Variants in MAN2A1 observed in about 807,000 individuals in gnomAD.
MAN2A1 encodes the protein alpha-mannosidase 2.
MAN2A1 carries 76 observed loss-of-function variants against 142.6 expected under a neutral mutation model. The observed-to-expected ratio is 0.53, with a 90% CI of 0.44 to 0.65. The LOEUF (loss-of-function observed/expected upper bound fraction) is 0.65, where lower values mean the gene tolerates loss of function less well. MAN2A1 is among the 30% of genes least tolerant of loss of function. The probability of loss-of-function intolerance (pLI) is 0.00; values close to 1 mark genes in which losing one functional copy is unlikely to be tolerated. For missense variants in MAN2A1, 1,311 were observed against 1,365.1 expected (o/e 0.96, Z 0.62); for synonymous variants, 559 against 473.2 (o/e 1.18, Z -2.35).
Position 109,713,668 on chromosome 5 carries a change from G to C in MAN2A1, c.284G>C (p.Ser95Thr). ...DGPKSSQSNF[S>T]QGAGSHLLPS... ...CCGAAAAGTTCACAAAGCAATTTCA[G>C]CCAAGGTGCTGGCTCACATCTTCTG... Residue 95 changes from serine to threonine, a missense_variant, in exon 2 of 22, where the codon AGC becomes ACC. By Grantham distance (58) the Ser-to-Thr change is moderately conservative (BLOSUM62 1). Transcript: ENST00000261483. 6.2e-7 allele frequency: 1 copy of C among 1,614,204 alleles called. No homozygotes were observed. Among genetic ancestry groups the C allele is most frequent in the Non-Finnish European group, 8.5e-7 (1 of 1,180,028 alleles).
At position 109,714,218 on chromosome 5, in the gene MAN2A1, G is replaced by A. The variant is rs533757057; in HGVS notation, c.390+444G>A. On this transcript the variant is annotated intron_variant, in intron 2 of 21. Transcript: ENST00000261483. ...TTAATATCCTTTTGCAAGAGGGAAG[G>A]GAAATATTCTAGAGCTGTACTTTCC... 2.8e-4 allele frequency among the ~76,000 whole-genome samples: 43 copies of A among 151,296 alleles called. 1 individual carries two copies. The highest frequency in any genetic ancestry group is 5.9e-5 in the Non-Finnish European group (4 of 67,888).
intron 5 of MAN2A1, among the ~76,000 whole-genome samples, chr5:109,761,567 A>G (rs746064555): frequency 3.3e-5 from 5 of 151,966 alleles, no homozygotes; most frequent in African/African-American, 7.2e-5. Context: ...TTTTGGTACT[A>G]TTGAATTTAA....
At chr5:109,815,461 C>T (rs1301239718) in intron 12 of MAN2A1, among the ~76,000 whole-genome samples, 3 of 152,126 alleles carry the variant, frequency 2.0e-5, no homozygotes. Context: ...TATGGAATCT[C>T]AGTGAACATA....
intron 20 of MAN2A1, among the ~76,000 whole-genome samples, chr5:109,858,252 C>T (rs1341575486): frequency 1.3e-5 from 2 of 152,150 alleles, no homozygotes; most frequent in African/African-American, 2.4e-5. Flanking sequence ...ACTCTTAGCA[C>T]ATATTTATAA....
intron 4 of MAN2A1, among the ~76,000 whole-genome samples, chr5:109,742,965 A>G (rs1752309574): frequency 6.6e-6 from 1 of 152,140 alleles, no homozygotes; most frequent in African/African-American, 2.4e-5. Flanking sequence ...GCATCTATTT[A>G]TGTCATGGAG....
chr5:109,795,065 G>A (rs115485054), intron 12 of MAN2A1, among the ~76,000 whole-genome samples: 298 of 152,214 alleles, frequency 2.0e-3, no homozygotes, highest in Middle Eastern at 6.8e-3. Context: ...AAGATGCTAC[G>A]TTAGTTAATT....
intron 8 of MAN2A1, among the ~76,000 whole-genome samples, chr5:109,777,016 AT>A (rs1753311738): frequency 1.3e-5 from 2 of 151,984 alleles, no homozygotes; most frequent in South Asian, 4.1e-4. Flanking sequence ...GGTATTTGGG[AT>A]TGTTCCCAGT....
intron 12 of MAN2A1, among the ~76,000 whole-genome samples, chr5:109,810,115 A>G (rs1043207415): frequency 6.6e-6 from 1 of 151,760 alleles, no homozygotes; most frequent in African/African-American, 2.4e-5. Flanking sequence ...TACTTGATTC[A>G]TGTTTTTCTC....
intron 20 of MAN2A1, among the ~76,000 whole-genome samples, chr5:109,857,466 C>G (rs527915943): frequency 1.3e-5 from 2 of 152,112 alleles, no homozygotes; most frequent in African/African-American, 2.4e-5. Context: ...AGGACATCAG[C>G]GACCTGAAGA....
chr5:109,820,480 A>G (rs1021599988), intron 15 of MAN2A1, 138 bp downstream of exon 15: 29 of 843,288 alleles, frequency 3.4e-5, no homozygotes, highest in Non-Finnish European at 4.5e-5. Context: ...AGTATTATCT[A>G]TCACCTTATT....
At chr5:109,766,749 A>C (rs1753002781) in intron 5 of MAN2A1, among the ~76,000 whole-genome samples, 1 of 152,220 alleles carries the variant, frequency 6.6e-6, no homozygotes, top group African/African-American at 2.4e-5. Context: ...GTAAGTAGAC[A>C]CTTTATTTGA....
intron 10 of MAN2A1, 25 bp from the exon 11 acceptor site, chr5:109,788,909 G>T: frequency 9.4e-7 from 1 of 1,063,574 alleles, no homozygotes; most frequent in South Asian, 1.3e-5. Flanking sequence ...TTGTTTCTCA[G>T]ACTAATAAAA....
intron 20 of MAN2A1, among the ~76,000 whole-genome samples, chr5:109,859,410 A>C (rs766511690): frequency 6.6e-6 from 1 of 152,198 alleles, no homozygotes; most frequent in Admixed American, 6.5e-5. Context: ...ATTTGTATTC[A>C]GATGAAAAGG....
chr5:109,765,624 G>A (rs1752969166), intron 5 of MAN2A1, among the ~76,000 whole-genome samples: 1 of 152,134 alleles, frequency 6.6e-6, no homozygotes, highest in Admixed American at 6.6e-5. Context: ...TCATGTTTAT[G>A]TTTTAGTGTC....
At chr5:109,842,675 G>A (rs545724975) in intron 17 of MAN2A1, among the ~76,000 whole-genome samples, 1 of 127,452 alleles carries the variant, frequency 7.8e-6, no homozygotes, top group Admixed American at 7.7e-5. Context: ...TTTTTGTAAG[G>A]ATTTATTTGT....
At chr5:109,783,364 C>A (rs1346048892) in intron 9 of MAN2A1, among the ~76,000 whole-genome samples, 1 of 152,088 alleles carries the variant, frequency 6.6e-6, no homozygotes, top group African/African-American at 2.4e-5. Flanking sequence ...ATAGGGAAGA[C>A]AATATTTCCC....
chr5:109,833,089 C>T lies in MAN2A1; in HGVS notation c.2567-9239C>T, dbSNP rs571060105. 6.8e-3 allele frequency among the ~76,000 whole-genome samples: 1,018 copies of T among 149,970 alleles called. 7 individuals carry two copies. The highest frequency in any genetic ancestry group is 0.018 in the African/African-American group (736 of 40,528). The stretch of plus-strand genomic sequence containing the variant: ...CAGACGATGGGTGGCGGGGCAGAGG[C>T]GCTCCCCATATCTCAGACGATGGGT... On this transcript the variant is annotated intron_variant, in intron 16 of 21. Transcript: ENST00000261483.
chr5:109,737,960 T>G (rs1346175282), intron 4 of MAN2A1, among the ~76,000 whole-genome samples: 2 of 152,172 alleles, frequency 1.3e-5, no homozygotes, highest in African/African-American at 4.8e-5. Context: ...TCATAACCCT[T>G]GATGAACTGA....
chr5:109,841,624 T>A (rs927420388), intron 16 of MAN2A1, among the ~76,000 whole-genome samples: 2 of 152,208 alleles, frequency 1.3e-5, no homozygotes, highest in Non-Finnish European at 2.9e-5. Flanking sequence ...TTGAGGCTTA[T>A]CCAAATGAAT....
Sources: allele counts gnomAD v4.1 joint callset (sites outside exome capture counted in the v4.1 genomes callset), GRCh38; gene constraint gnomAD v4.1.1; transcripts MANE v1.5; gene names NCBI Gene and HGNC (gene_info 2026-07-23, HGNC 2026-07-21).